Variants in SCD5 observed in about 807,000 individuals in gnomAD.
SCD5 encodes the protein acyl-CoA-desaturase 4.
A neutral mutation model predicts 30.4 loss-of-function variants in SCD5; 20 were observed. The observed-to-expected ratio is 0.66, with a 90% CI of 0.46 to 0.96. The LOEUF is 0.96. Ranked by LOEUF, SCD5 falls within the 40% of genes least tolerant of loss-of-function variation. The probability of loss-of-function intolerance (pLI) is 0.00; values close to 1 mark genes in which losing one functional copy is unlikely to be tolerated. For synonymous variants in SCD5, 173 were observed against 176.4 expected, an observed-to-expected ratio of 0.98 and a Z score of 0.16; for missense variants, 381 against 443.3, an observed-to-expected ratio of 0.86 and a Z score of 1.26.
At chr4:82,762,710 G>T (rs1448668496) in intron 1 of SCD5, among the ~76,000 whole-genome samples, 1 of 152,228 alleles carries the variant, frequency 6.6e-6, no homozygotes, top group African/African-American at 2.4e-5. Flanking sequence ...CGTGTTTGCA[G>T]GCAGTGGTTC....
chr4:82,662,930 C>T (rs575832814), intron 3 of SCD5, among the ~76,000 whole-genome samples: 62 of 150,578 alleles, frequency 4.1e-4, no homozygotes, highest in African/African-American at 1.1e-3. Context: ...GATACATCGT[C>T]ACAATGAAAT....
rs146971146 is a variant in SCD5 at position 82,758,897 on chromosome 4, G to A, written c.232+39409C>T. Among the ~76,000 whole-genome samples, 25 of 152,230 alleles carry A rather than the reference G, an allele frequency of 1.6e-4. No individual in the cohort carries two copies. In the East Asian group the frequency reaches 4.2e-3, roughly 26 times the overall value. On this transcript the variant is annotated intron_variant, in intron 1 of 4. Transcript: ENST00000319540. Reference sequence around the variant, plus strand: ...TCACAGCAGCAGAGGCGCCTCCCCCGCGAAACAACAAGCACATCCCCTACA... The same window carrying A: ...TCACAGCAGCAGAGGCGCCTCCCCCACGAAACAACAAGCACATCCCCTACA...
At chr4:82,729,834 C>T (rs1489733656) in intron 1 of SCD5, among the ~76,000 whole-genome samples, 1 of 152,176 alleles carries the variant, frequency 6.6e-6, no homozygotes, top group African/African-American at 2.4e-5. Flanking sequence ...TAACTCTAGA[C>T]CCTTACCAGC....
chr4:82,777,701 A>G (rs72909698), intron 1 of SCD5, among the ~76,000 whole-genome samples: 3,709 of 152,236 alleles, frequency 0.024, 140 homozygotes, highest in African/African-American at 0.082. Context: ...CTGGGAAAGT[A>G]TCTTGGTCGC....
intron 2 of SCD5, among the ~76,000 whole-genome samples, chr4:82,689,518 T>C (rs1257880760): frequency 6.6e-6 from 1 of 152,202 alleles, no homozygotes. Flanking sequence ...CCATGGGCTA[T>C]AAATACATTG....
intron 3 of SCD5, among the ~76,000 whole-genome samples, chr4:82,671,208 A>G (rs1225884955): frequency 6.6e-6 from 1 of 152,220 alleles, no homozygotes; most frequent in Non-Finnish European, 1.5e-5. Context: ...CTTAATGTGT[A>G]TGCACCTAAC....
chr4:82,676,537 C>T (rs1442935602), intron 3 of SCD5, among the ~76,000 whole-genome samples: 1 of 152,248 alleles, frequency 6.6e-6, no homozygotes, highest in Non-Finnish European at 1.5e-5. Flanking sequence ...CCCTTGGCCA[C>T]TCTTCAGGCC....
chr4:82,644,740 G>T (rs1451108371), intron 3 of SCD5, among the ~76,000 whole-genome samples: 1 of 152,174 alleles, frequency 6.6e-6, no homozygotes, highest in African/African-American at 2.4e-5. Context: ...ATAAAGCCAA[G>T]AACTTAATTA....
chr4:82,753,208 T>C, intron 1 of SCD5: 1 of 410,946 alleles, frequency 2.4e-6, no homozygotes, highest in South Asian at 1.8e-5. Flanking sequence ...CTACTTCATG[T>C]GAGAGTTACC....
At chr4:82,788,501 G>A (rs568112296) in intron 1 of SCD5, among the ~76,000 whole-genome samples, 6 of 152,060 alleles carry the variant, frequency 3.9e-5, no homozygotes, top group Non-Finnish European at 8.8e-5. Flanking sequence ...AGCAATTCTC[G>A]TGCTTTAGCC....
rs191343993 is a variant in SCD5, at chr4:82,711,567, G to A, written c.233-6154C>T. ...TGTATCTACAAAAAGTTAGCCAAGC[G>A]TGGTAGCACGTGCCTGTAGTTCCAG... is the stretch of plus-strand genomic sequence containing the variant. On this transcript the variant is annotated intron_variant, in intron 1 of 4. Coordinates refer to ENST00000319540, the MANE Select transcript of SCD5 (RefSeq NM_001037582.3). Among the ~76,000 whole-genome samples, 13 of 152,280 alleles carry A rather than the reference G, an allele frequency of 8.5e-5. No homozygotes were observed. The East Asian group carries it at 9.7e-4, about 11-fold the overall frequency.
chr4:82,685,772 AATT>A (rs1350876837), intron 2 of SCD5, among the ~76,000 whole-genome samples: 1 of 152,054 alleles, frequency 6.6e-6, no homozygotes, highest in Non-Finnish European at 1.5e-5. Context: ...AAACAAGTAA[AATT>A]AATTTTAATA....
At position 82,765,192 on chromosome 4, in the gene SCD5, A is replaced by T. The variant is rs116608953; in HGVS notation, c.232+33114T>A. 8.7e-3 allele frequency among the ~76,000 whole-genome samples: 1,322 copies of T among 152,234 alleles called. 22 individuals carry two copies. The highest frequency in any genetic ancestry group is 0.031 in the African/African-American group (1,269 of 41,538). Reference sequence around the variant, plus strand: ...TGTAGTGCATGTCTACTGGAAATGAATTTTTTTAATTTTTGTATGTCTGAA... The same window carrying T: ...TGTAGTGCATGTCTACTGGAAATGATTTTTTTTAATTTTTGTATGTCTGAA... On this transcript the variant is annotated intron_variant, in intron 1 of 4. Coordinates refer to ENST00000319540, the MANE Select transcript of SCD5 (RefSeq NM_001037582.3).
At position 82,631,285 on chromosome 4, in the gene SCD5, C is replaced by T. The variant is rs778075280; in HGVS notation, c.*42G>A. 2 of 1,583,258 alleles carry T rather than the reference C, an allele frequency of 1.3e-6. No individual in the cohort carries two copies. Among genetic ancestry groups the T allele is most frequent in the African/African-American group, 1.3e-5 (1 of 74,346 alleles). ...GAGCTATTGTAACCAAAGCCATGAA[C>T]CGAGGTTGCAACGGCAGACATGTGG... On this transcript the variant is annotated 3_prime_UTR_variant, in exon 5 of 5. Transcript: ENST00000319540.
chr4:82,686,645 A>G (rs1027125996), intron 2 of SCD5, among the ~76,000 whole-genome samples: 3 of 152,216 alleles, frequency 2.0e-5, no homozygotes, highest in Non-Finnish European at 4.4e-5. Context: ...GTGTATACAT[A>G]TACAATAAAA....
At chr4:82,697,452 C>CA (rs952229296) in intron 2 of SCD5, among the ~76,000 whole-genome samples, 32 of 152,150 alleles carry the variant, frequency 2.1e-4, no homozygotes, top group African/African-American at 7.7e-4. Context: ...CTGTGAGAAA[C>CA]AGACTAGCCC....
At chr4:82,725,152 T>G (rs1184787316) in intron 1 of SCD5, among the ~76,000 whole-genome samples, 3 of 152,162 alleles carry the variant, frequency 2.0e-5, no homozygotes, top group Non-Finnish European at 4.4e-5. Flanking sequence ...ATAATCTATA[T>G]CCTCGGAATA....
chr4:82,657,599 T>C (rs1238226452), intron 3 of SCD5, among the ~76,000 whole-genome samples: 3 of 152,218 alleles, frequency 2.0e-5, no homozygotes, highest in African/African-American at 7.2e-5. Flanking sequence ...TTTGGTTCCA[T>C]ATGAAATTTA....
chr4:82,669,041 A>T (rs948229713), intron 3 of SCD5, among the ~76,000 whole-genome samples: 29 of 152,194 alleles, frequency 1.9e-4, no homozygotes, highest in African/African-American at 7.0e-4. Context: ...GACTGAGAAC[A>T]AAAAGAGACT....
Sources: allele counts gnomAD v4.1 joint callset (sites outside exome capture counted in the v4.1 genomes callset), GRCh38; gene constraint gnomAD v4.1.1; transcripts MANE v1.5; gene names NCBI Gene and HGNC (gene_info 2026-07-23, HGNC 2026-07-21).